GLMN: variants seen among roughly 807,000 people sequenced by gnomAD.
The protein encoded by GLMN is glomulin, FKBP associated protein, also known as glomulin.
GLMN carries 75 observed loss-of-function variants against 87.8 expected under a neutral mutation model. The ratio of observed to expected loss-of-function variants is 0.85; its 90% CI spans 0.71 to 1.04. GLMN has a LOEUF of 1.04. Among genes scored for constraint, GLMN ranks in the 50% least tolerant of loss-of-function variants. GLMN has a pLI of 0.00. For synonymous variants in GLMN, 206 were observed against 221.6 expected (o/e 0.93, Z 0.63); for missense variants, 588 against 658.8 (o/e 0.89, Z 1.18).
rs754035078 is a variant in GLMN at position 92,263,699 on chromosome 1, G to A, written c.1333C>T (p.Gln445Ter). The change falls in exon 15 of 19, where the codon CAG becomes TAG. Residue 445 changes from glutamine to a stop codon, truncating the protein, a stop_gained. Transcript: ENST00000370360. LOFTEE classifies it high-confidence loss of function. ...ACCAAATCAAGAAGGGAAATCAACT[G>A]TGGTCCTGTAAACCATTTGTTGTTA... is the stretch of plus-strand genomic sequence containing the variant. ...TRNNKWFTGP[Q>*]LISLLDLVLF... The A allele has an allele frequency of 4.4e-6, 7 of 1,599,656 alleles. No individual in the cohort carries two copies. The East Asian group carries it at 1.6e-4, about 36-fold the overall frequency.
the GLMN span, among the ~76,000 whole-genome samples, chr1:92,359,467 G>A: frequency 6.6e-6 from 1 of 152,190 alleles, no homozygotes; most frequent in Non-Finnish European, 1.5e-5. Flanking sequence ...TTACAGGCAT[G>A]CGCCACCATG....
chr1:92,321,667 G>T, the GLMN span, among the ~76,000 whole-genome samples: 1 of 151,970 alleles, frequency 6.6e-6, no homozygotes, highest in Non-Finnish European at 1.5e-5. Flanking sequence ...GAAAATTGAA[G>T]AACATTGTCA....
the GLMN span, among the ~76,000 whole-genome samples, chr1:92,361,142 A>C: frequency 3.4e-5 from 5 of 149,234 alleles, no homozygotes; most frequent in South Asian, 8.4e-4. Flanking sequence ...CACACACATA[A>C]ACACACACAC....
intron 3 of GLMN, among the ~76,000 whole-genome samples, chr1:92,294,239 C>T (rs1649769215): frequency 6.6e-6 from 1 of 151,926 alleles, no homozygotes; most frequent in South Asian, 2.1e-4. Flanking sequence ...CTTCTATGTA[C>T]CCACAAAAAT....
the GLMN span, among the ~76,000 whole-genome samples, chr1:92,333,739 C>T: frequency 2.0e-5 from 3 of 152,128 alleles, no homozygotes; most frequent in African/African-American, 4.8e-5. Flanking sequence ...CTTACTCCCA[C>T]CTAATCAGTG....
At chr1:92,254,196 A>C (rs529652174) in intron 16 of GLMN, among the ~76,000 whole-genome samples, 4 of 152,338 alleles carry the variant, frequency 2.6e-5, no homozygotes, top group Admixed American at 2.0e-4. Flanking sequence ...AATGAAATAA[A>C]GTGTGAAGAC....
At chr1:92,315,597 A>C in the GLMN span, among the ~76,000 whole-genome samples, 1 of 152,238 alleles carries the variant, frequency 6.6e-6, no homozygotes, top group Non-Finnish European at 1.5e-5. Context: ...TACCAAAACC[A>C]AACAATATCC....
In GLMN at chr1:92,297,459, A is replaced by G; in HGVS notation, c.110T>C (p.Ile37Thr). The change falls in exon 3 of 19, where the codon ATA becomes ACA. Residue 37 changes from isoleucine to threonine, a missense_variant. Physicochemically the swap from Ile to Thr is moderately conservative, Grantham distance 89 (BLOSUM62 -1). Transcript: ENST00000370360. ...GLFQLAGQRC[I>T]EEGHTDQLLE... ...TAGCTGGTCTGTGTGCCCTTCTTCT[A>G]TGCATCTTTGCCCAGCTAACTGAAA... 1 of 1,612,164 alleles carries G rather than the reference A, an allele frequency of 6.2e-7. No individual in the cohort carries two copies. The highest frequency in any genetic ancestry group is 8.5e-7 in the Non-Finnish European group (1 of 1,178,920).
the GLMN span, among the ~76,000 whole-genome samples, chr1:92,339,499 CACTG>C: frequency 6.6e-6 from 1 of 152,156 alleles, no homozygotes; most frequent in South Asian, 2.1e-4. Flanking sequence ...ACAAATACCT[CACTG>C]ACCTTCCCAG....
chr1:92,253,524 G>A (rs946506978), intron 16 of GLMN, among the ~76,000 whole-genome samples: 2 of 152,190 alleles, frequency 1.3e-5, no homozygotes, highest in Non-Finnish European at 2.9e-5. Flanking sequence ...GAGAGCTCCG[G>A]CTGGCATCTG....
At chr1:92,367,805 A>G in the GLMN span, among the ~76,000 whole-genome samples, 1 of 152,318 alleles carries the variant, frequency 6.6e-6, no homozygotes, top group South Asian at 2.1e-4. Context: ...AAGAAAGATT[A>G]TGTGGAGTAT....
chr1:92,252,928 C>G (rs1469426355), intron 16 of GLMN, among the ~76,000 whole-genome samples: 1 of 152,012 alleles, frequency 6.6e-6, no homozygotes, highest in Non-Finnish European at 1.5e-5. Context: ...ATCTCTCTCA[C>G]AAAAGGAAGA....
At chr1:92,302,647 G>A (rs988724292), upstream of GLMN, among the ~76,000 whole-genome samples, 1 of 120,650 alleles carries the variant, frequency 8.3e-6, no homozygotes, top group African/African-American at 3.2e-5. Flanking sequence ...TGTCGCCCAG[G>A]CTGGAGTGCA....
At chr1:92,265,548 G>C (rs1655532894) in intron 13 of GLMN, among the ~76,000 whole-genome samples, 1 of 152,074 alleles carries the variant, frequency 6.6e-6, no homozygotes, top group Non-Finnish European at 1.5e-5. Flanking sequence ...GGCTGAGGTG[G>C]GTGAATCGCT....
the GLMN span, among the ~76,000 whole-genome samples, chr1:92,316,367 A>ATG: frequency 6.6e-6 from 1 of 152,188 alleles, no homozygotes; most frequent in Non-Finnish European, 1.5e-5. Context: ...AGGGTTTGAC[A>ATG]TGTCTCAAAA....
chr1:92,321,689 T>A, the GLMN span, among the ~76,000 whole-genome samples: 1 of 152,102 alleles, frequency 6.6e-6, no homozygotes, highest in South Asian at 2.1e-4. Flanking sequence ...GGAAAACTTT[T>A]GTCTTTTATT....
At chr1:92,287,779 T>C (rs141094656) in intron 6 of GLMN, among the ~76,000 whole-genome samples, 1,929 of 152,152 alleles carry the variant, frequency 0.013, 32 homozygotes, top group Non-Finnish European at 0.018. Context: ...CTTGTACTCC[T>C]GGCCTCAAGT....
the GLMN span, among the ~76,000 whole-genome samples, chr1:92,341,348 C>T: frequency 1.2e-4 from 18 of 152,198 alleles, no homozygotes; most frequent in African/African-American, 4.3e-4. Flanking sequence ...TCAAATATTA[C>T]TGTTTCCCTT....
chr1:92,279,328 G>T (rs1207014103), intron 7 of GLMN, among the ~76,000 whole-genome samples: 1 of 151,770 alleles, frequency 6.6e-6, no homozygotes, highest in Non-Finnish European at 1.5e-5. Flanking sequence ...GTGGTGGCGG[G>T]TGCCTGTAAT....
Sources: gnomAD v4.1 joint callset for allele counts (sites outside exome capture counted in the v4.1 genomes callset) on GRCh38, gnomAD v4.1.1 for gene constraint, MANE v1.5 for transcripts, NCBI Gene and HGNC (gene_info 2026-07-23, HGNC 2026-07-21) for gene names.